ADGRL2: variants seen among roughly 807,000 people sequenced by gnomAD.
ADGRL2 encodes calcium-independent alpha-latrotoxin receptor 2.
In ADGRL2, 44 loss-of-function variants were observed where a neutral mutation model predicts 157.4. That is an observed-to-expected ratio of 0.28 (90% confidence interval 0.22 to 0.36). The LOEUF (loss-of-function observed/expected upper bound fraction) is 0.36. Ranked by LOEUF, ADGRL2 falls within the 10% of genes least tolerant of loss-of-function variation. ADGRL2 has a pLI of 1.00. For missense variants in ADGRL2, 1,510 were observed against 1,768.9 expected (o/e 0.85, Z 2.63); for synonymous variants, 585 against 624.7 (o/e 0.94, Z 0.95).
chr1:81,764,949 A>T (rs922726938), intron 2 of ADGRL2, among the ~76,000 whole-genome samples: 1 of 152,064 alleles, frequency 6.6e-6, no homozygotes, highest in Non-Finnish European at 1.5e-5. Flanking sequence ...AATTCACATA[A>T]GTGAAAGTCT....
intron 1 of ADGRL2, among the ~76,000 whole-genome samples, chr1:81,378,308 C>G (rs1023381241): frequency 6.6e-6 from 1 of 152,010 alleles, no homozygotes; most frequent in Non-Finnish European, 1.5e-5. Context: ...CCCAGATACT[C>G]GGGAGTCTGA....
chr1:81,441,441 C>A (rs1429239697), intron 1 of ADGRL2, among the ~76,000 whole-genome samples: 1 of 152,166 alleles, frequency 6.6e-6, no homozygotes, highest in Non-Finnish European at 1.5e-5. Flanking sequence ...GAATACAAGG[C>A]CTCAATTAAG....
At chr1:81,489,599 T>TTTGTACA (rs111624440) in intron 2 of ADGRL2, among the ~76,000 whole-genome samples, 22,055 of 151,920 alleles carry the variant, frequency 0.15, 2,927 homozygotes, top group African/African-American at 0.36. Flanking sequence ...AAGACATGAA[T>TTTGTACA]TTGTACATCC....
intron 3 of ADGRL2, among the ~76,000 whole-genome samples, chr1:81,627,637 G>A (rs1418468786): frequency 1.3e-5 from 2 of 152,110 alleles, no homozygotes; most frequent in Non-Finnish European, 2.9e-5. Context: ...ATTTTTGTAT[G>A]ATCATTCTGG....
chr1:81,540,073 T>A (rs1171462407), intron 2 of ADGRL2, among the ~76,000 whole-genome samples: 3 of 152,176 alleles, frequency 2.0e-5, no homozygotes, highest in African/African-American at 7.2e-5. Flanking sequence ...CTCAGGCAGG[T>A]CATTTAACTT....
intron 2 of ADGRL2, among the ~76,000 whole-genome samples, chr1:81,474,501 G>T (rs2078233540): frequency 6.6e-6 from 1 of 152,164 alleles, no homozygotes; most frequent in Non-Finnish European, 1.5e-5. Flanking sequence ...AGTCTAGCAT[G>T]TTCAATAACC....
At chr1:81,644,379 T>C (rs1414731885) in intron 3 of ADGRL2, among the ~76,000 whole-genome samples, 1 of 152,154 alleles carries the variant, frequency 6.6e-6, no homozygotes, top group African/African-American at 2.4e-5. Flanking sequence ...GTGGACTTCA[T>C]TAAGATTTAA....
intron 2 of ADGRL2, among the ~76,000 whole-genome samples, chr1:81,455,657 G>A (rs2077790112): frequency 6.6e-6 from 1 of 152,082 alleles, no homozygotes; most frequent in Non-Finnish European, 1.5e-5. Flanking sequence ...TTGAAAGGTG[G>A]AAAAAGGGGA....
chr1:81,693,115 G>A (rs1232079767), intron 3 of ADGRL2, among the ~76,000 whole-genome samples: 1 of 152,100 alleles, frequency 6.6e-6, no homozygotes, highest in Non-Finnish European at 1.5e-5. Flanking sequence ...ACTGATGTAT[G>A]GCTAACACAT....
intron 3 of ADGRL2, among the ~76,000 whole-genome samples, chr1:81,635,592 G>C (rs961382089): frequency 3.9e-5 from 6 of 152,186 alleles, no homozygotes; most frequent in Non-Finnish European, 5.9e-5. Flanking sequence ...TTCACAGATG[G>C]CACCTTCTAG....
intron 3 of ADGRL2, among the ~76,000 whole-genome samples, chr1:81,582,692 G>C (rs1328630674): frequency 6.6e-6 from 1 of 152,068 alleles, no homozygotes; most frequent in Non-Finnish European, 1.5e-5. Flanking sequence ...AATGATGTCA[G>C]CAAGTACTAT....
intron 1 of ADGRL2, among the ~76,000 whole-genome samples, chr1:81,733,203 C>T (rs74958702): frequency 0.013 from 2,008 of 152,306 alleles, 42 homozygotes; most frequent in African/African-American, 0.046. Flanking sequence ...GAAGAGTCAG[C>T]TTCAATGTAT....
intron 1 of ADGRL2, among the ~76,000 whole-genome samples, chr1:81,392,036 C>T (rs564734199): frequency 1.1e-4 from 17 of 152,058 alleles, no homozygotes; most frequent in Admixed American, 5.2e-4. Context: ...CAAAATCATA[C>T]GACTTGCAAC....
At chr1:81,932,902 A>G (rs2095255261) in intron 3 of ADGRL2, among the ~76,000 whole-genome samples, 1 of 152,100 alleles carries the variant, frequency 6.6e-6, no homozygotes, top group Admixed American at 6.6e-5. Flanking sequence ...GGGTTTCTCC[A>G]TGTTGGTCAG....
chr1:81,510,074 G>C (rs752602095), intron 2 of ADGRL2, among the ~76,000 whole-genome samples: 24 of 152,082 alleles, frequency 1.6e-4, no homozygotes, highest in Non-Finnish European at 3.4e-4. Flanking sequence ...AATGAATGAT[G>C]GTAATAAACA....
At chr1:81,945,806 C>T (rs1444282423) in intron 6 of ADGRL2, among the ~76,000 whole-genome samples, 2 of 151,990 alleles carry the variant, frequency 1.3e-5, no homozygotes, top group Non-Finnish European at 2.9e-5. Context: ...CTTATTCAGC[C>T]CTTAGTGATG....
intron 1 of ADGRL2, among the ~76,000 whole-genome samples, chr1:81,430,563 T>C (rs539801651): frequency 6.6e-6 from 1 of 152,326 alleles, no homozygotes; most frequent in Admixed American, 6.5e-5. Flanking sequence ...CAGGTCTTCA[T>C]TTTTGAAAAG....
intron 1 of ADGRL2, among the ~76,000 whole-genome samples, chr1:81,835,379 C>G (rs1359820616): frequency 2.0e-5 from 3 of 152,122 alleles, no homozygotes; most frequent in Non-Finnish European, 4.4e-5. Flanking sequence ...TTAAATGTGA[C>G]AAGCCATGAG....
intron 1 of ADGRL2, among the ~76,000 whole-genome samples, chr1:81,406,645 T>C (rs1001528635): frequency 6.6e-6 from 1 of 152,232 alleles, no homozygotes; most frequent in Admixed American, 6.5e-5. Flanking sequence ...GTTTCAACCA[T>C]TGCTATTGAT....
Sources: gnomAD v4.1 joint callset for allele counts (sites outside exome capture counted in the v4.1 genomes callset) on GRCh38, gnomAD v4.1.1 for gene constraint, MANE v1.5 for transcripts, NCBI Gene and HGNC (gene_info 2026-07-23, HGNC 2026-07-21) for gene names.